The following ABLIM2 variants were observed in gnomAD, a reference collection of about 807,000 sequenced individuals.
The protein encoded by ABLIM2 is actin-binding LIM protein 2.
ABLIM2 carries 53 observed loss-of-function variants against 97.7 expected under a neutral mutation model. The ratio of observed to expected loss-of-function variants is 0.54; its 90% CI spans 0.44 to 0.68. The LOEUF (loss-of-function observed/expected upper bound fraction) is 0.68, where lower values mean the gene tolerates loss of function less well. ABLIM2 is among the 30% of genes least tolerant of loss of function. The pLI is 0.00. For missense variants in ABLIM2, 835 were observed against 867.2 expected, an observed-to-expected ratio of 0.96 and a Z score of 0.47; for synonymous variants, 361 against 345.8, an observed-to-expected ratio of 1.04 and a Z score of -0.49.
At chr4:7,972,585 G>A (rs1214037267) in intron 20 of ABLIM2, among the ~76,000 whole-genome samples, 1 of 152,188 alleles carries the variant, frequency 6.6e-6, no homozygotes, top group African/African-American at 2.4e-5. Flanking sequence ...CTGAATCTGG[G>A]CTGTCCCCTC....
intron 1 of ABLIM2, among the ~76,000 whole-genome samples, chr4:8,126,931 G>A (rs1312615694): frequency 2.0e-5 from 3 of 152,038 alleles, no homozygotes; most frequent in African/African-American, 7.2e-5. Flanking sequence ...GCCAGGTCTG[G>A]TGGCGTGCAC....
chr4:8,042,320 T>C (rs1264087935), intron 9 of ABLIM2, among the ~76,000 whole-genome samples: 1 of 152,312 alleles, frequency 6.6e-6, no homozygotes, highest in Non-Finnish European at 1.5e-5. Context: ...CTTTCCCTCA[T>C]TCTGTGCACA....
Position 8,128,423 on chromosome 4 carries a change from C to T in ABLIM2, c.11-21786G>A, listed in dbSNP as rs1169275372. 2.6e-5 allele frequency among the ~76,000 whole-genome samples: 4 copies of T among 152,238 alleles called. No homozygotes were observed. Among genetic ancestry groups the T allele is most frequent in the Non-Finnish European group, 5.9e-5 (4 of 68,050 alleles). On this transcript the variant is annotated intron_variant, in intron 1 of 20. Coordinates refer to ENST00000447017, the MANE Select transcript of ABLIM2 (RefSeq NM_001130083.2). The surrounding 1 kb of genome is among the most constrained non-coding windows in gnomAD (Gnocchi z 4.9). ...ATGCGTTGCACCTGCACACCCAGTACAGCTGCCTGCAGCTCGCAAGGCCCC... is the reference window on the plus strand; with the variant it reads ...ATGCGTTGCACCTGCACACCCAGTATAGCTGCCTGCAGCTCGCAAGGCCCC...
chr4:8,040,047 C>T (rs1413987164), intron 9 of ABLIM2, among the ~76,000 whole-genome samples: 2 of 152,152 alleles, frequency 1.3e-5, no homozygotes, highest in African/African-American at 2.4e-5. Context: ...CAAGCCCTCA[C>T]GGTCCGTGGA....
intron 1 of ABLIM2, among the ~76,000 whole-genome samples, chr4:8,126,552 C>A (rs1431335423): frequency 2.0e-5 from 3 of 152,024 alleles, no homozygotes; most frequent in Non-Finnish European, 4.4e-5. Context: ...AGGATTGGAG[C>A]TATTGGAATT....
At chr4:8,156,194 C>T (rs553234492) in intron 1 of ABLIM2, among the ~76,000 whole-genome samples, 228 of 151,712 alleles carry the variant, frequency 1.5e-3, no homozygotes, top group African/African-American at 5.2e-3. Flanking sequence ...TCCCCCCACC[C>T]CACCCCCTGC....
At chr4:8,027,122 C>T (rs1188941093) in intron 12 of ABLIM2, among the ~76,000 whole-genome samples, 1 of 152,178 alleles carries the variant, frequency 6.6e-6, no homozygotes, top group Non-Finnish European at 1.5e-5. Context: ...TCTTTAAAGG[C>T]CCCCTCTACA....
rs552764556 is a variant in ABLIM2 at position 8,123,548 on chromosome 4, C to A, written c.11-16911G>T. On this transcript the variant is annotated intron_variant, in intron 1 of 20. Coordinates refer to ENST00000447017, the MANE Select transcript of ABLIM2 (RefSeq NM_001130083.2). This position sits in a 1 kb window ranked among gnomAD's most constrained non-coding sequence, Gnocchi z 6.2. ...TCCGGCATGTCTAATTAAAACTGGT[C>A]GTCGGGATGGCTGGCCTGGAGCCCA... Among the ~76,000 whole-genome samples the A allele has an allele frequency of 1.3e-5, 2 of 152,144 alleles. No individual in the cohort carries two copies. The highest frequency in any genetic ancestry group is 4.8e-5 in the African/African-American group (2 of 41,436).
chr4:8,115,215 A>G (rs1237300832), intron 1 of ABLIM2, among the ~76,000 whole-genome samples: 1 of 152,098 alleles, frequency 6.6e-6, no homozygotes, highest in African/African-American at 2.4e-5. Flanking sequence ...ACCCCAAACT[A>G]CGACCTCCTG....
At chr4:8,115,332 T>C (rs1241246268) in intron 1 of ABLIM2, among the ~76,000 whole-genome samples, 1 of 152,094 alleles carries the variant, frequency 6.6e-6, no homozygotes, top group Admixed American at 6.6e-5. Flanking sequence ...GGGAATCACT[T>C]GAGCCCATGA....
At chr4:8,012,100 G>A (rs4696665) in intron 14 of ABLIM2, among the ~76,000 whole-genome samples, 123,048 of 150,912 alleles carry the variant, frequency 0.82, 50,306 homozygotes, top group African/African-American at 0.9. Flanking sequence ...TCATCCATCT[G>A]CCCATCCATC....
chr4:8,131,520 C>T (rs940367393), intron 1 of ABLIM2, among the ~76,000 whole-genome samples: 2 of 152,274 alleles, frequency 1.3e-5, no homozygotes, highest in South Asian at 4.1e-4. Flanking sequence ...TTTCTGCATG[C>T]GGAGGGCAGA....
In ABLIM2 at chr4:8,032,471, A is replaced by T. The variant is rs1781573267; in HGVS notation, c.1048-2695T>A. Among the ~76,000 whole-genome samples the T allele has an allele frequency of 1.3e-5, 2 of 152,158 alleles. No homozygotes were observed. The highest frequency in any genetic ancestry group is 6.5e-5 in the Admixed American group (1 of 15,276). On this transcript the variant is annotated intron_variant, in intron 10 of 20. Transcript: ENST00000447017. This position sits in a 1 kb window ranked among gnomAD's most constrained non-coding sequence, Gnocchi z 4.3. ...CGGGGAGGCATGCAAGTGCGGGGTG[A>T]TCATAAAAATAACCAGCAGCCAGGA...
At chr4:8,079,359 G>A (rs1163183083) in intron 5 of ABLIM2, among the ~76,000 whole-genome samples, 2 of 152,236 alleles carry the variant, frequency 1.3e-5, no homozygotes, top group Non-Finnish European at 2.9e-5. Flanking sequence ...AACATGCACG[G>A]TGTGGGTGAG....
chr4:8,066,783 G>C (rs1580347838), intron 6 of ABLIM2: 1 of 152,256 alleles, frequency 6.6e-6, no homozygotes, highest in Non-Finnish European at 1.5e-5. Context: ...GTGGGGGTGA[G>C]GTTTCCTCTC....
chr4:8,094,023 GTC>G (rs912770181), intron 3 of ABLIM2, among the ~76,000 whole-genome samples: 1 of 151,842 alleles, frequency 6.6e-6, no homozygotes, highest in Non-Finnish European at 1.5e-5. Flanking sequence ...CAGTTTTTTT[GTC>G]TCTCTGCTTA....
At chr4:8,029,812 C>A in intron 10 of ABLIM2, 36 bp from the exon 11 acceptor site, 1 of 1,553,172 alleles carries the variant, frequency 6.4e-7, no homozygotes. Flanking sequence ...ACACTGGAGC[C>A]GGGAGCACTT....
At chr4:8,040,484 G>A (rs1488400735) in intron 9 of ABLIM2, among the ~76,000 whole-genome samples, 1 of 152,196 alleles carries the variant, frequency 6.6e-6, no homozygotes, top group African/African-American at 2.4e-5. Context: ...GGTGGTGGGC[G>A]CCTGTAATCT....
chr4:8,040,059 G>A (rs558029086), intron 9 of ABLIM2, among the ~76,000 whole-genome samples: 1 of 152,288 alleles, frequency 6.6e-6, no homozygotes, highest in South Asian at 2.1e-4. Context: ...GTCCGTGGAG[G>A]AGATGCAGCC....
Sources: gnomAD v4.1 joint callset for allele counts (sites outside exome capture counted in the v4.1 genomes callset) on GRCh38, gnomAD v4.1.1 for gene constraint, Gnocchi (gnomAD v3.1) non-coding constraint, MANE v1.5 for transcripts, NCBI Gene and HGNC (gene_info 2026-07-23, HGNC 2026-07-21) for gene names.